PCCA: variants seen among roughly 807,000 people sequenced by gnomAD.
PCCA encodes the protein propionyl-CoA carboxylase alpha chain, mitochondrial.
In PCCA, 74 loss-of-function variants were observed where a neutral mutation model predicts 101.3. That is an observed-to-expected ratio of 0.73 (90% CI 0.61 to 0.89). The LOEUF (loss-of-function observed/expected upper bound fraction) is 0.89, where lower values mean the gene tolerates loss of function less well. Among genes scored for constraint, PCCA ranks in the 40% least tolerant of loss-of-function variants. The probability of loss-of-function intolerance (pLI) is 0.00; values close to 1 mark genes in which losing one functional copy is unlikely to be tolerated. For synonymous variants in PCCA, 294 were observed against 313.6 expected, an observed-to-expected ratio of 0.94 and a Z score of 0.66; for missense variants, 891 against 907.0, an observed-to-expected ratio of 0.98 and a Z score of 0.23.
At chr13:100,222,973 A>G (rs566483424) in intron 7 of PCCA, among the ~76,000 whole-genome samples, 222 of 152,338 alleles carry the variant, frequency 1.5e-3, no homozygotes, top group South Asian at 4.4e-3. Context: ...CTGTCCTTGA[A>G]TCATCCTTTT....
chr13:100,403,898 T>C (rs1274798878), intron 19 of PCCA, among the ~76,000 whole-genome samples: 1 of 152,122 alleles, frequency 6.6e-6, no homozygotes, highest in Non-Finnish European at 1.5e-5. Flanking sequence ...TTGGAATTTT[T>C]CCAAGAACCC....
intron 20 of PCCA, among the ~76,000 whole-genome samples, chr13:100,427,382 A>T (rs941912710): frequency 6.6e-6 from 1 of 152,230 alleles, no homozygotes; most frequent in Non-Finnish European, 1.5e-5. Context: ...AACTCCTATT[A>T]TGCAAATTTT....
intron 7 of PCCA, among the ~76,000 whole-genome samples, chr13:100,218,758 T>C (rs2059657510): frequency 6.6e-6 from 1 of 152,202 alleles, no homozygotes; most frequent in African/African-American, 2.4e-5. Context: ...TCAATTACAT[T>C]ATGTGGCAAA....
chr13:100,343,817 T>G (rs1595468582), intron 18 of PCCA, among the ~76,000 whole-genome samples: 1 of 152,248 alleles, frequency 6.6e-6, no homozygotes, highest in Non-Finnish European at 1.5e-5. Flanking sequence ...GGCTCATGCC[T>G]GTAGTCCCAC....
intron 6 of PCCA, among the ~76,000 whole-genome samples, chr13:100,182,520 G>GCAT (rs534175833): frequency 1.5e-3 from 235 of 152,284 alleles, no homozygotes; most frequent in African/African-American, 5.4e-3. Flanking sequence ...GCTTATCTGT[G>GCAT]CGTTATACGT....
At chr13:100,135,241 A>T (rs978844283) in intron 4 of PCCA, among the ~76,000 whole-genome samples, 1 of 151,938 alleles carries the variant, frequency 6.6e-6, no homozygotes, top group Admixed American at 6.6e-5. Flanking sequence ...ACAAACAAAA[A>T]TATAGTAGGG....
At chr13:100,225,816 A>C (rs1430746831) in intron 7 of PCCA, among the ~76,000 whole-genome samples, 2 of 152,040 alleles carry the variant, frequency 1.3e-5, no homozygotes, top group African/African-American at 4.8e-5. Context: ...TGAGACGAAG[A>C]GTGTCGCTCA....
intron 19 of PCCA, among the ~76,000 whole-genome samples, chr13:100,379,032 T>G (rs542850115): frequency 2.0e-5 from 3 of 152,178 alleles, no homozygotes; most frequent in Admixed American, 2.0e-4. Context: ...TATTTGAACA[T>G]GTAGGGTAAT....
At chr13:100,233,507 C>T (rs2060612021) in intron 7 of PCCA, among the ~76,000 whole-genome samples, 1 of 152,076 alleles carries the variant, frequency 6.6e-6, no homozygotes, top group Non-Finnish European at 1.5e-5. Flanking sequence ...TGTGATGTCA[C>T]TTAGTGCCAT....
At chr13:100,121,212 C>T (rs1270644343) in intron 4 of PCCA, among the ~76,000 whole-genome samples, 7 of 124,442 alleles carry the variant, frequency 5.6e-5, no homozygotes, top group East Asian at 2.4e-4. Flanking sequence ...GCTGGAGTGT[C>T]GTGGCATGAT....
At chr13:100,232,351 C>CGCGTGTGTGTGT (rs1555387986) in intron 7 of PCCA, among the ~76,000 whole-genome samples, 1 of 131,180 alleles carries the variant, frequency 7.6e-6, no homozygotes, top group Admixed American at 7.7e-5. Context: ...TGTGTGTATG[C>CGCGTGTGTGTGT]GTGTGTGTGT....
At chr13:100,411,420 T>C (rs1410540612) in intron 19 of PCCA, among the ~76,000 whole-genome samples, 5 of 152,092 alleles carry the variant, frequency 3.3e-5, no homozygotes, top group Admixed American at 2.6e-4. Flanking sequence ...AGGGTTTTGC[T>C]ATGTTGACCA....
intron 21 of PCCA, among the ~76,000 whole-genome samples, chr13:100,472,314 CT>C (rs1374664080): frequency 2.0e-5 from 3 of 152,050 alleles, no homozygotes; most frequent in Non-Finnish European, 4.4e-5. Flanking sequence ...GGACCCTCCC[CT>C]GTCTACCGGG....
intron 1 of PCCA, among the ~76,000 whole-genome samples, chr13:100,089,485 C>T (rs1388040526): frequency 6.6e-6 from 1 of 152,260 alleles, no homozygotes; most frequent in African/African-American, 2.4e-5. Context: ...GGTGCCCGCA[C>T]GCCCTCCGAG....
At chr13:100,471,165 C>G (rs2082979827) in intron 21 of PCCA, among the ~76,000 whole-genome samples, 3 of 152,130 alleles carry the variant, frequency 2.0e-5, no homozygotes, top group Non-Finnish European at 4.4e-5. Flanking sequence ...ACTGTTGTGT[C>G]TTGGGGAATA....
At chr13:100,377,386 C>A (rs546666298) in intron 19 of PCCA, among the ~76,000 whole-genome samples, 2 of 152,132 alleles carry the variant, frequency 1.3e-5, no homozygotes, top group Non-Finnish European at 2.9e-5. Flanking sequence ...TTTTCCATCC[C>A]TTTACTTTCA....
chr13:100,523,935 G>A (rs896144720), intron 22 of PCCA, among the ~76,000 whole-genome samples: 1 of 152,246 alleles, frequency 6.6e-6, no homozygotes, highest in Non-Finnish European at 1.5e-5. Flanking sequence ...CCGCACATGG[G>A]GGCGTCTGAT....
At chr13:100,442,237 G>A (rs758634197) in intron 20 of PCCA, among the ~76,000 whole-genome samples, 22 of 151,862 alleles carry the variant, frequency 1.4e-4, no homozygotes, top group Non-Finnish European at 1.8e-4. Flanking sequence ...CAAGTGATCC[G>A]CCTTCCTTGA....
At chr13:100,424,836 T>C (rs2079039897) in intron 19 of PCCA, among the ~76,000 whole-genome samples, 1 of 152,190 alleles carries the variant, frequency 6.6e-6, no homozygotes, top group East Asian at 1.9e-4. Flanking sequence ...CAAGATTAAG[T>C]ATCACCTTGT....
Sources: gnomAD v4.1 joint callset for allele counts (sites outside exome capture counted in the v4.1 genomes callset) on GRCh38, gnomAD v4.1.1 for gene constraint, MANE v1.5 for transcripts, NCBI Gene and HGNC (gene_info 2026-07-23, HGNC 2026-07-21) for gene names.